Variants in FBXL4 observed in about 807,000 individuals in gnomAD.
FBXL4 encodes the protein F-box and leucine rich repeat protein 4.
In FBXL4, 40 loss-of-function variants were observed where a neutral mutation model predicts 58.9. That is an observed-to-expected ratio of 0.68 (90% confidence interval 0.53 to 0.88). The LOEUF is 0.88. FBXL4 is among the 40% of genes least tolerant of loss of function. FBXL4 has a pLI of 0.00. For synonymous variants in FBXL4, 263 were observed against 265.5 expected, an observed-to-expected ratio of 0.99 and a Z score of 0.09; for missense variants, 676 against 734.4, an observed-to-expected ratio of 0.92 and a Z score of 0.92.
At chr6:98,931,471 T>C (rs1323333426) in intron 2 of FBXL4, among the ~76,000 whole-genome samples, 1 of 152,154 alleles carries the variant, frequency 6.6e-6, no homozygotes, top group African/African-American at 2.4e-5. Context: ...TTTTCAACTA[T>C]GGATAAAAAT....
intron 5 of FBXL4, 116 bp from the exon 6 acceptor site, chr6:98,905,786 C>T: frequency 9.6e-7 from 1 of 1,037,064 alleles, no homozygotes; most frequent in Non-Finnish European, 1.4e-6. Context: ...ACAATATTTT[C>T]ACATAGTAAA....
At chr6:98,936,063 T>C (rs1582454271) in intron 1 of FBXL4, among the ~76,000 whole-genome samples, 1 of 152,086 alleles carries the variant, frequency 6.6e-6, no homozygotes, top group African/African-American at 2.4e-5. Flanking sequence ...TAGAAAAAAA[T>C]ATAGTGGATT....
At chr6:98,886,688 T>A (rs1771050715) in intron 7 of FBXL4, among the ~76,000 whole-genome samples, 1 of 152,210 alleles carries the variant, frequency 6.6e-6, no homozygotes, top group Non-Finnish European at 1.5e-5. Flanking sequence ...GAGGTCCTGC[T>A]CTGCAGTGGC....
intron 2 of FBXL4, among the ~76,000 whole-genome samples, chr6:98,930,700 C>A (rs1772980169): frequency 6.6e-6 from 1 of 152,078 alleles, no homozygotes; most frequent in African/African-American, 2.4e-5. Context: ...GAGTCATGAT[C>A]GTGTCACTGT....
rs576086190 is a variant in FBXL4, at chr6:98,897,148, T to A, written c.1317+2120A>T. 10 of 982,134 alleles carry A rather than the reference T, an allele frequency of 1.0e-5. No individual in the cohort carries two copies. The East Asian group carries it at 1.0e-3, about 100-fold the overall frequency. The allele number at this position is 982,134 out of a possible 1,614,324, so 60.8% of individuals were successfully genotyped here. A position where few individuals can be genotyped will look rare whatever the true frequency, so the allele number is the denominator to read the frequency against. On this transcript the variant is annotated intron_variant, in intron 7 of 9. Coordinates refer to ENST00000369244, the MANE Select transcript of FBXL4 (RefSeq NM_001278716.2). ...GCCTGCTATATTTCTTATTAAACAA[T>A]CAGAAAATTTTAAATGAGGCATTTA...
At chr6:98,942,025 T>C (rs1773451491) in intron 1 of FBXL4, among the ~76,000 whole-genome samples, 2 of 151,120 alleles carry the variant, frequency 1.3e-5, no homozygotes, top group Non-Finnish European at 2.9e-5. Flanking sequence ...ACCTAACATC[T>C]ATATAAGATA....
At chr6:98,883,091 C>T (rs1223972856) in intron 7 of FBXL4, among the ~76,000 whole-genome samples, 1 of 151,970 alleles carries the variant, frequency 6.6e-6, no homozygotes, top group Non-Finnish European at 1.5e-5. Flanking sequence ...ACATCTTTAC[C>T]AACATACGTA....
At position 98,907,410 on chromosome 6, in the gene FBXL4, T is replaced by C. The variant is rs530329512; in HGVS notation, c.859-1740A>G. Among the ~76,000 whole-genome samples, 5 of 152,078 alleles carry C rather than the reference T, an allele frequency of 3.3e-5. No individual in the cohort carries two copies. The East Asian group carries it at 5.8e-4, about 18-fold the overall frequency. ...GGGGCTAATACAGAATTCTAGGAAA[T>C]AGGAAATAAGGGGTCTGCTTAAGGC... is the stretch of plus-strand genomic sequence containing the variant. On this transcript the variant is annotated intron_variant, in intron 5 of 9. Transcript: ENST00000369244.
Position 98,868,822 on chromosome 6 carries a change from TAGC to T in FBXL4, c.*5453_*5455del, listed in dbSNP as rs1326208323. On this transcript the variant is annotated 3_prime_UTR_variant, in exon 10 of 10. Coordinates refer to ENST00000369244, the MANE Select transcript of FBXL4 (RefSeq NM_001278716.2). Reference sequence around the variant, plus strand: ...TTAAAATATCCCTAAATGTCAATTTTAGCAGGACTACCTTTTTCCTTTCAAAAT... The same window carrying T: ...TTAAAATATCCCTAAATGTCAATTTTAGGACTACCTTTTTCCTTTCAAAAT... 1 of 152,230 alleles carries T rather than the reference TAGC, an allele frequency of 6.6e-6. No individual in the cohort carries two copies. The highest frequency in any genetic ancestry group is 1.5e-5 in the Non-Finnish European group (1 of 68,032). The allele number at this position is 152,230 out of a possible 1,614,324, so 9.4% of individuals were successfully genotyped here.
intron 7 of FBXL4, among the ~76,000 whole-genome samples, chr6:98,891,569 C>G (rs576640320): frequency 1.4e-4 from 22 of 151,954 alleles, no homozygotes; most frequent in African/African-American, 4.6e-4. Context: ...TAACAACCTA[C>G]AATGGATGCA....
intron 1 of FBXL4, among the ~76,000 whole-genome samples, chr6:98,943,935 A>G (rs1457458233): frequency 6.6e-6 from 1 of 152,236 alleles, no homozygotes. Context: ...TCATAATCAC[A>G]GTAAACATCT....
In FBXL4 at chr6:98,926,657, G is replaced by A. The variant is rs368243492; in HGVS notation, c.332C>T (p.Ser111Phe). The change falls in exon 4 of 10, where the codon TCC (serine) becomes TTC (phenylalanine). Residue 111 changes from serine (S) to phenylalanine (F), a missense_variant. Physicochemically the swap from Ser to Phe is radical, Grantham distance 155 (BLOSUM62 -2). Transcript: ENST00000369244. ...AGGTGGCGTCCTCTTGAATGGCAAGGAAGCACTAGGACACTGATCCCACCA... is the reference window on the plus strand; with the variant it reads ...AGGTGGCGTCCTCTTGAATGGCAAGAAAGCACTAGGACACTGATCCCACCA... ...GTWWDQCPSA[S>F]LPFKRTPPNF... 2.5e-6 allele frequency: 4 copies of A among 1,614,040 alleles called. No individual in the cohort carries two copies. The highest frequency in any genetic ancestry group is 2.7e-5 in the African/African-American group (2 of 74,926).
At chr6:98,928,434 T>C (rs1303436048) in intron 2 of FBXL4, among the ~76,000 whole-genome samples, 1 of 152,034 alleles carries the variant, frequency 6.6e-6, no homozygotes, top group East Asian at 1.9e-4. Context: ...TTTCAAGCGA[T>C]TCTCATGCCT....
intron 8 of FBXL4, among the ~76,000 whole-genome samples, chr6:98,879,578 G>T (rs1172998125): frequency 1.3e-5 from 2 of 152,152 alleles, no homozygotes; most frequent in East Asian, 3.9e-4. Context: ...ACATAAAATC[G>T]TATTTTAAAT....
intron 1 of FBXL4, among the ~76,000 whole-genome samples, chr6:98,947,224 C>T (rs922587694): frequency 6.6e-6 from 1 of 152,254 alleles, no homozygotes. Flanking sequence ...TCCAAAACCA[C>T]CCGTTATAAA....
chr6:98,899,321 T>C lies in FBXL4; in HGVS notation c.1264A>G (p.Ile422Val), dbSNP rs1771517067. The C allele has an allele frequency of 6.2e-7, 1 of 1,614,062 alleles. No homozygotes were observed. The highest frequency in any genetic ancestry group is 2.2e-5 in the East Asian group (1 of 44,854). ...DKLPPQAFNH[I>V]AKLCSLKRLV... ...CGTTTAAGGCTGCATAACTTGGCAA[T>C]GTGGTTGAAAGCTTGAGGTGGTAGC... Residue 422 changes from isoleucine to valine, a missense_variant, in exon 7 of 10, where the codon ATT (isoleucine) becomes GTT (valine). Transcript: ENST00000369244.
chr6:98,921,710 G>C (rs1232853892), intron 4 of FBXL4, among the ~76,000 whole-genome samples: 1 of 151,996 alleles, frequency 6.6e-6, no homozygotes, highest in Non-Finnish European at 1.5e-5. Flanking sequence ...TAAGCAACTG[G>C]ATTTGGTAGC....
chr6:98,919,915 C>T (rs971820072), intron 4 of FBXL4, among the ~76,000 whole-genome samples: 20 of 152,144 alleles, frequency 1.3e-4, no homozygotes, highest in African/African-American at 4.8e-4. Context: ...AAGGACCCCT[C>T]AAGACCCTGT....
At chr6:98,896,191 A>C (rs555720848) in intron 7 of FBXL4, among the ~76,000 whole-genome samples, 2 of 152,314 alleles carry the variant, frequency 1.3e-5, no homozygotes, top group South Asian at 2.1e-4. Context: ...GAACATTTAA[A>C]GAGAGACCAG....
Sources: allele counts gnomAD v4.1 joint callset (sites outside exome capture counted in the v4.1 genomes callset), GRCh38; gene constraint gnomAD v4.1.1; transcripts MANE v1.5; gene names NCBI Gene and HGNC (gene_info 2026-07-23, HGNC 2026-07-21).